PCDHGA8: variants seen among roughly 807,000 people sequenced by gnomAD.
The protein encoded by PCDHGA8 is protocadherin gamma-A8.
In PCDHGA8, 45 loss-of-function variants were observed where a neutral mutation model predicts 59.2. The ratio of observed to expected loss-of-function variants is 0.76; its 90% confidence interval spans 0.60 to 0.98. The LOEUF (loss-of-function observed/expected upper bound fraction) is 0.98, where lower values mean the gene tolerates loss of function less well. Ranked by LOEUF, PCDHGA8 falls within the 50% of genes least tolerant of loss-of-function variation. The pLI is 0.00. For synonymous variants in PCDHGA8, 531 were observed against 519.0 expected, an observed-to-expected ratio of 1.02 and a Z score of -0.32; for missense variants, 1,257 against 1,196.2, an observed-to-expected ratio of 1.05 and a Z score of -0.75.
In PCDHGA8 at chr5:141,511,580, G is replaced by A. The variant is rs1436011320; in HGVS notation, c.*407G>A. ...CTCTTTCCCGAGTAAGGTGGTTGGG[G>A]TGTTGAAGTACCAAGTAACCTACAA... On this transcript the variant is annotated 3_prime_UTR_variant, in exon 4 of 4. Coordinates refer to ENST00000398604, the MANE Select transcript of PCDHGA8 (RefSeq NM_032088.2). 2 of 282,206 alleles carry A rather than the reference G, an allele frequency of 7.1e-6. No individual in the cohort carries two copies. Among genetic ancestry groups the A allele is most frequent in the Admixed American group, 4.6e-5 (1 of 21,516 alleles). The allele number at this position is 282,206 out of a possible 1,614,324, so 17.5% of individuals were successfully genotyped here.
At chr5:141,419,744 G>A (rs760207269) in intron 1 of PCDHGA8, 28 of 1,613,778 alleles carry the variant, frequency 1.7e-5, no homozygotes, top group East Asian at 2.2e-5. Context: ...GGTGCGCATG[G>A]TGCGTGCTTT....
intron 1 of PCDHGA8, among the ~76,000 whole-genome samples, chr5:141,451,435 G>T (rs947210577): frequency 6.6e-6 from 1 of 152,234 alleles, no homozygotes; most frequent in Non-Finnish European, 1.5e-5. Flanking sequence ...AAGGGTTCCA[G>T]TTCCTTGCTG....
Position 141,491,045 on chromosome 5 carries a change from A to G in PCDHGA8, c.2425-3762A>G, listed in dbSNP as rs1452139285. 2 of 1,613,970 alleles carry G rather than the reference A, an allele frequency of 1.2e-6. No individual in the cohort carries two copies. The highest frequency in any genetic ancestry group is 1.1e-5 in the South Asian group (1 of 91,090). On this transcript the variant is annotated intron_variant, in intron 1 of 3. Coordinates refer to ENST00000398604, the MANE Select transcript of PCDHGA8 (RefSeq NM_032088.2). This position sits in a 1 kb window ranked among gnomAD's most constrained non-coding sequence, Gnocchi z 6.9. ...GCCGTGGATGCTGATGCAGGCCACA[A>G]TGCGTGGCTCTCCTACTCACTGTTG...
intron 1 of PCDHGA8, chr5:141,415,500 C>G (rs754684999): frequency 6.2e-6 from 10 of 1,614,074 alleles, no homozygotes; most frequent in Non-Finnish European, 8.5e-6. Context: ...TGATCTTCCC[C>G]CAGCCCAATT....
chr5:141,416,016 G>C (rs190922355), intron 1 of PCDHGA8: 29 of 227,390 alleles, frequency 1.3e-4, no homozygotes, highest in Non-Finnish European at 2.2e-4. Context: ...GAATAGGTAA[G>C]TATCAGAAAG....
chr5:141,444,915 T>C (rs1262912255), intron 1 of PCDHGA8, among the ~76,000 whole-genome samples: 1 of 152,174 alleles, frequency 6.6e-6, no homozygotes, highest in East Asian at 1.9e-4. Flanking sequence ...TCTATACCTT[T>C]ATCAGGGAAA....
intron 1 of PCDHGA8, chr5:141,409,609 C>T: frequency 1.2e-6 from 2 of 1,613,938 alleles, no homozygotes; most frequent in Non-Finnish European, 1.7e-6. Flanking sequence ...CGCCAGGAGC[C>T]TCCATTGCGC....
At chr5:141,467,630 T>A (rs1483747040) in intron 1 of PCDHGA8, among the ~76,000 whole-genome samples, 2 of 152,194 alleles carry the variant, frequency 1.3e-5, no homozygotes, top group African/African-American at 4.8e-5. Flanking sequence ...TGAGATAGCA[T>A]CTTTATCATG....
At chr5:141,414,921 G>T (rs746806079) in intron 1 of PCDHGA8, 22 of 1,613,992 alleles carry the variant, frequency 1.4e-5, no homozygotes, top group East Asian at 4.5e-5. Context: ...TGGAGCTGGC[G>T]CCCCGCTCCG....
At chr5:141,403,552 G>T (rs1228068556) in intron 1 of PCDHGA8, 5 of 1,613,892 alleles carry the variant, frequency 3.1e-6, no homozygotes, top group Non-Finnish European at 4.2e-6. Context: ...AGCGCGCCCT[G>T]GACAGGGAGG....
chr5:141,410,142 G>A (rs2095361095), intron 1 of PCDHGA8: 3 of 1,612,612 alleles, frequency 1.9e-6, no homozygotes, highest in East Asian at 2.2e-5. Context: ...GTCGCTGTGC[G>A]TGACGGTGGA....
intron 1 of PCDHGA8, chr5:141,403,552 G>A (rs1228068556): frequency 1.2e-6 from 2 of 1,613,892 alleles, no homozygotes; most frequent in African/African-American, 1.3e-5. Flanking sequence ...AGCGCGCCCT[G>A]GACAGGGAGG....
chr5:141,419,010 G>A (rs2096312778), intron 1 of PCDHGA8: 2 of 1,613,866 alleles, frequency 1.2e-6, no homozygotes, highest in Non-Finnish European at 8.5e-7. Flanking sequence ...GAAGTCAGGT[G>A]TAGCTTAAGT....
At chr5:141,484,352 T>A (rs112226980) in intron 1 of PCDHGA8, among the ~76,000 whole-genome samples, 8,127 of 152,270 alleles carry the variant, frequency 0.053, 445 homozygotes, top group African/African-American at 0.15. Context: ...TAATTTAGTG[T>A]ATCTAGTGTA....
chr5:141,506,435 G>A (rs1470687416), intron 3 of PCDHGA8, among the ~76,000 whole-genome samples: 7 of 126,234 alleles, frequency 5.5e-5, no homozygotes, highest in African/African-American at 2.0e-4. Context: ...CAACAGTCTC[G>A]CTCTGTCTCA....
Position 141,481,350 on chromosome 5 carries a change from T to C in PCDHGA8, c.2425-13457T>C, listed in dbSNP as rs901892475. Among the ~76,000 whole-genome samples, 4 of 152,248 alleles carry C rather than the reference T, an allele frequency of 2.6e-5. No homozygotes were observed. The South Asian group carries it at 8.3e-4, about 32-fold the overall frequency. On this transcript the variant is annotated intron_variant, in intron 1 of 3. Coordinates refer to ENST00000398604, the MANE Select transcript of PCDHGA8 (RefSeq NM_032088.2). The stretch of plus-strand genomic sequence containing the variant: ...CCTGGACAACTATTATTTAAACATC[T>C]ACAGCTGTTCAATAGATATTGGGTT...
At chr5:141,430,873 G>C (rs2097319709) in intron 1 of PCDHGA8, 1 of 1,598,842 alleles carries the variant, frequency 6.3e-7, no homozygotes, top group African/African-American at 1.3e-5. Flanking sequence ...TTCCGGAAGA[G>C]CTGGAGAAAG....
intron 1 of PCDHGA8, among the ~76,000 whole-genome samples, chr5:141,458,009 G>T (rs1039110082): frequency 2.6e-5 from 4 of 152,142 alleles, no homozygotes; most frequent in Non-Finnish European, 4.4e-5. Context: ...AAAATAACCG[G>T]TTTTTCCAAT....
At chr5:141,427,869 AC>A in intron 1 of PCDHGA8, 1 of 1,559,604 alleles carries the variant, frequency 6.4e-7, no homozygotes, top group Non-Finnish European at 8.8e-7. Context: ...CTTCGAGCTC[AC>A]GATGCAGGCC....
Sources: gnomAD v4.1 joint callset for allele counts (sites outside exome capture counted in the v4.1 genomes callset) on GRCh38, gnomAD v4.1.1 for gene constraint, Gnocchi (gnomAD v3.1) non-coding constraint, MANE v1.5 for transcripts, NCBI Gene and HGNC (gene_info 2026-07-23, HGNC 2026-07-21) for gene names.